MYH11: variants seen among roughly 807,000 people sequenced by gnomAD.
MYH11 encodes the protein myosin-11.
MYH11 carries 80 observed loss-of-function variants against 246.6 expected under a neutral mutation model. The ratio of observed to expected loss-of-function variants is 0.32; its 90% CI spans 0.27 to 0.39. MYH11 has a LOEUF of 0.39. Ranked by LOEUF, MYH11 falls within the 10% of genes least tolerant of loss-of-function variation. The pLI is 1.00. For synonymous variants in MYH11, 1,071 were observed against 1,015.5 expected, an observed-to-expected ratio of 1.05 and a Z score of -1.04; for missense variants, 2,158 against 2,546.8, an observed-to-expected ratio of 0.85 and a Z score of 3.29.
At chr16:15,778,074 G>A (rs1222514105) in intron 7 of MYH11, among the ~76,000 whole-genome samples, 3 of 152,142 alleles carry the variant, frequency 2.0e-5, no homozygotes, top group Non-Finnish European at 4.4e-5. Flanking sequence ...GGAAGCCTGA[G>A]CCCTAGGGCC....
At chr16:15,720,089 G>A (rs957954495) in intron 34 of MYH11, 62 bp downstream of exon 34, 9 of 1,608,534 alleles carry the variant, frequency 5.6e-6, no homozygotes, top group African/African-American at 1.3e-5. Flanking sequence ...TGCTGACTTC[G>A]GTGGCCTGAG....
intron 2 of MYH11, among the ~76,000 whole-genome samples, chr16:15,828,803 A>AGAAGGAAGGAAG (rs370774038): frequency 2.1e-5 from 3 of 143,684 alleles, no homozygotes; most frequent in Admixed American, 7.0e-5. Context: ...AAAAAAAAAA[A>AGAAGGAAGGAAG]GAAGGAAGGA....
At chr16:15,742,600 G>A (rs1242802731) in intron 20 of MYH11, among the ~76,000 whole-genome samples, 1 of 151,988 alleles carries the variant, frequency 6.6e-6, no homozygotes, top group Non-Finnish European at 1.5e-5. Flanking sequence ...GCATGGTGGT[G>A]TGTGCCTGTA....
At chr16:15,816,177 A>T (rs1567195784) in intron 3 of MYH11, among the ~76,000 whole-genome samples, 1 of 152,198 alleles carries the variant, frequency 6.6e-6, no homozygotes, top group African/African-American at 2.4e-5. Context: ...GAAACAAGGA[A>T]TCCACTATGA....
chr16:15,802,127 GA>G (rs1250023795), intron 3 of MYH11, among the ~76,000 whole-genome samples: 1 of 152,150 alleles, frequency 6.6e-6, no homozygotes, highest in African/African-American at 2.4e-5. Context: ...AATAGAAAAA[GA>G]GTCGGTATTG....
At position 15,718,037 on chromosome 16, in the gene MYH11, C is replaced by T. The variant is rs968907995; in HGVS notation, c.5295+278G>A. 13 of 537,836 alleles carry T rather than the reference C, an allele frequency of 2.4e-5. No homozygotes were observed. The Admixed American group carries it at 4.1e-4, about 17-fold the overall frequency. The allele number at this position is 537,836 out of a possible 1,614,324, so 33.3% of individuals were successfully genotyped here. ...GGGGAAAACGCAATGAAAGAGCATC[C>T]CAAGGCCCGGACTCCAGGGATGGCC... On this transcript the variant is annotated intron_variant, in intron 37 of 40. Transcript: ENST00000300036.
intron 9 of MYH11, among the ~76,000 whole-genome samples, chr16:15,769,280 C>T (rs2151288992): frequency 6.6e-6 from 1 of 152,326 alleles, no homozygotes; most frequent in Non-Finnish European, 1.5e-5. Context: ...CGTGCCACTG[C>T]ACTCCAGCCT....
intron 1 of MYH11, among the ~76,000 whole-genome samples, chr16:15,844,638 T>C (rs1018508292): frequency 6.6e-6 from 1 of 152,184 alleles, no homozygotes; most frequent in African/African-American, 2.4e-5. Flanking sequence ...GGAGGATTGC[T>C]TGAGCCCAGG....
chr16:15,760,729 G>A, intron 10 of MYH11, 71 bp from the exon 11 acceptor site: 1 of 1,037,380 alleles, frequency 9.6e-7, no homozygotes, highest in Non-Finnish European at 1.5e-6. Context: ...ACATCGCATG[G>A]GATATTTGTG....
At chr16:15,806,379 CAT>C (rs1361338555) in intron 3 of MYH11, among the ~76,000 whole-genome samples, 1 of 147,414 alleles carries the variant, frequency 6.8e-6, no homozygotes, top group African/African-American at 2.5e-5. Flanking sequence ...TAGGCAAATC[CAT>C]AGAGACAGAA....
intron 4 of MYH11, among the ~76,000 whole-genome samples, chr16:15,794,720 A>C (rs1405809750): frequency 1.3e-5 from 2 of 152,202 alleles, no homozygotes; most frequent in Non-Finnish European, 2.9e-5. Flanking sequence ...GAGCCTTGAA[A>C]GTTACAAGAG....
rs116923731 is a variant in MYH11, at chr16:15,718,724, G to C, written c.5172-286C>G. 4,412 of 527,390 alleles carry C rather than the reference G, an allele frequency of 8.4e-3. 20 individuals are homozygous for C. The highest frequency in any genetic ancestry group is 0.012 in the Non-Finnish European group (3,554 of 293,696). 32.7% of individuals were successfully genotyped at this position (527,390 alleles called of 1,614,324 possible). On this transcript the variant is annotated intron_variant, in intron 36 of 40. Transcript: ENST00000300036. ...CCCCACACAGCTACTTATTGGGAATGAATGAAAGCAGCCACACCCCCAAAC... is the reference window on the plus strand; with the variant it reads ...CCCCACACAGCTACTTATTGGGAATCAATGAAAGCAGCCACACCCCCAAAC...
chr16:15,747,723 G>C lies in MYH11; in HGVS notation c.2258C>G (p.Ala753Gly). The C allele has an allele frequency of 6.2e-7, 1 of 1,614,022 alleles. No homozygotes were observed. The highest frequency in any genetic ancestry group is 8.5e-7 in the Non-Finnish European group (1 of 1,180,002). Residue 753 changes from alanine to glycine, a missense_variant, in exon 19 of 41, where the codon GCC (alanine) becomes GGC (glycine). Transcript: ENST00000300036. ...GKQACILMIK[A>G]LELDPNLYRI... ...GTATAAGTTGGGGTCAAGTTCCAGG[G>C]CTTTGATCTGCAAAAGGAAGGAAAG...
chr16:15,732,405 G>T, intron 27 of MYH11, 159 bp downstream of exon 27: 1 of 1,149,802 alleles, frequency 8.7e-7, no homozygotes, highest in Non-Finnish European at 1.3e-6. Flanking sequence ...CAGCCTGTAT[G>T]GGAAGCATTT....
chr16:15,716,843 A>G (rs1825751242), intron 38 of MYH11, among the ~76,000 whole-genome samples: 3 of 152,164 alleles, frequency 2.0e-5, no homozygotes, highest in African/African-American at 4.8e-5. Context: ...TCAGCATGCT[A>G]TCCCTGCAGA....
chr16:15,821,778 C>T (rs1215773098), intron 3 of MYH11, among the ~76,000 whole-genome samples: 2 of 144,604 alleles, frequency 1.4e-5, no homozygotes, highest in Non-Finnish European at 3.0e-5. Flanking sequence ...ATTAGCCGGG[C>T]GCGGTGGCGG....
chr16:15,828,332 C>T (rs1053456985), intron 2 of MYH11, among the ~76,000 whole-genome samples: 2 of 152,142 alleles, frequency 1.3e-5, no homozygotes, highest in African/African-American at 2.4e-5. Flanking sequence ...CTTCATTTCA[C>T]GAGAGGGAAG....
intron 40 of MYH11, among the ~76,000 whole-genome samples, chr16:15,706,489 C>T (rs553698812): frequency 7.2e-5 from 11 of 152,236 alleles, no homozygotes; most frequent in Admixed American, 2.6e-4. Context: ...GCAGATCACT[C>T]GTGAGGTCAG....
intron 4 of MYH11, among the ~76,000 whole-genome samples, chr16:15,794,734 C>T (rs1749763555): frequency 6.6e-6 from 1 of 152,086 alleles, no homozygotes; most frequent in African/African-American, 2.4e-5. Flanking sequence ...ACAAGAGAGC[C>T]CTGTGGGAAG....
Sources: allele counts gnomAD v4.1 joint callset (sites outside exome capture counted in the v4.1 genomes callset), GRCh38; gene constraint gnomAD v4.1.1; transcripts MANE v1.5; gene names NCBI Gene and HGNC (gene_info 2026-07-23, HGNC 2026-07-21).